FAM47E: variants seen among roughly 807,000 people sequenced by gnomAD.
FAM47E encodes the protein family with sequence similarity 47 member E.
In FAM47E, 32 loss-of-function variants were observed where a neutral mutation model predicts 41.6. That is an observed-to-expected ratio of 0.77 (90% CI 0.58 to 1.03). The LOEUF (loss-of-function observed/expected upper bound fraction) is 1.03, where lower values mean the gene tolerates loss of function less well. Ranked by LOEUF, FAM47E falls within the 50% of genes least tolerant of loss-of-function variation. The pLI is 0.00. For missense variants in FAM47E, 424 were observed against 485.4 expected (o/e 0.87, Z 1.19); for synonymous variants, 184 against 188.7 (o/e 0.98, Z 0.20).
At chr4:76,274,894 C>T (rs958122221) in intron 5 of FAM47E, among the ~76,000 whole-genome samples, 5 of 152,144 alleles carry the variant, frequency 3.3e-5, no homozygotes, top group Non-Finnish European at 7.3e-5. Context: ...CTGCCTTGAT[C>T]TGTCTGGACT....
chr4:76,278,038 A>G (rs781163626), intron 5 of FAM47E, 31 bp from the exon 6 acceptor site: 36 of 1,435,168 alleles, frequency 2.5e-5, no homozygotes, highest in Middle Eastern at 1.8e-4. Flanking sequence ...CAAAAAATCA[A>G]TGGCACTGGG....
chr4:76,229,804 T>C (rs1191011561), intron 2 of FAM47E, among the ~76,000 whole-genome samples: 1 of 152,196 alleles, frequency 6.6e-6, no homozygotes, highest in Non-Finnish European at 1.5e-5. Context: ...GCTGGCTTTC[T>C]TGGATGCTGG....
chr4:76,219,081 C>A (rs1441681809), intron 2 of FAM47E, among the ~76,000 whole-genome samples: 1 of 152,166 alleles, frequency 6.6e-6, no homozygotes, highest in African/African-American at 2.4e-5. Flanking sequence ...AGGCTCTTAA[C>A]CCCTTAGCCA....
At chr4:76,249,368 C>A (rs575776394), upstream of FAM47E, among the ~76,000 whole-genome samples, 1 of 152,138 alleles carries the variant, frequency 6.6e-6, no homozygotes, top group African/African-American at 2.4e-5. Flanking sequence ...TGATAATTTG[C>A]CAACATATTA....
At chr4:76,259,328 G>T (rs764444951) in intron 2 of FAM47E, among the ~76,000 whole-genome samples, 41 of 152,144 alleles carry the variant, frequency 2.7e-4, no homozygotes, top group Non-Finnish European at 4.9e-4. Flanking sequence ...ACTACTCTTG[G>T]TTAAAGATTT....
intron 1 of FAM47E, 47 bp downstream of exon 1, chr4:76,251,867 G>T: frequency 7.3e-7 from 1 of 1,366,594 alleles, no homozygotes; most frequent in Non-Finnish European, 9.4e-7. Context: ...CGCGGGCCGC[G>T]CGGGGGCGCC....
At chr4:76,237,040 C>T (rs145143663) in intron 2 of FAM47E, among the ~76,000 whole-genome samples, 12,895 of 151,394 alleles carry the variant, frequency 0.085, 755 homozygotes, top group East Asian at 0.28. Flanking sequence ...GGACTACAGG[C>T]GCCTGTCACC....
At chr4:76,278,641 A>G (rs1735226071) in intron 6 of FAM47E, 1 of 202,670 alleles carries the variant, frequency 4.9e-6, no homozygotes, top group African/African-American at 2.3e-5. Flanking sequence ...AAAATTCAAA[A>G]TTTCAACCAG....
chr4:76,233,637 T>C (rs530273898), intron 2 of FAM47E, among the ~76,000 whole-genome samples: 1 of 151,620 alleles, frequency 6.6e-6, no homozygotes, highest in African/African-American at 2.4e-5. Flanking sequence ...CACACACATA[T>C]AACAGCCAGG....
intron 5 of FAM47E, among the ~76,000 whole-genome samples, chr4:76,273,113 C>T (rs892867339): frequency 1.3e-5 from 2 of 152,086 alleles, no homozygotes; most frequent in African/African-American, 4.8e-5. Flanking sequence ...ATATATACTG[C>T]GTTTTTTGAT....
chr4:76,233,585 C>T (rs995383127), intron 2 of FAM47E, among the ~76,000 whole-genome samples: 8 of 11,606 alleles, frequency 6.9e-4, no homozygotes, highest in East Asian at 8.5e-3. Flanking sequence ...CACACACACA[C>T]GCACACACAC....
intron 2 of FAM47E, among the ~76,000 whole-genome samples, chr4:76,231,386 G>C (rs4859431): frequency 0.15 from 22,711 of 152,008 alleles, 2,000 homozygotes; most frequent in East Asian, 0.35. Flanking sequence ...GGAGACTGCC[G>C]GTTGGTTCAC....
chr4:76,228,047 T>G (rs1733428284), intron 2 of FAM47E, among the ~76,000 whole-genome samples: 1 of 152,090 alleles, frequency 6.6e-6, no homozygotes, highest in Non-Finnish European at 1.5e-5. Flanking sequence ...TATTGAGATG[T>G]AAGGTACTTT....
At chr4:76,233,784 C>A (rs372675394) in intron 2 of FAM47E, among the ~76,000 whole-genome samples, 6 of 152,084 alleles carry the variant, frequency 3.9e-5, no homozygotes, top group African/African-American at 1.5e-4. Flanking sequence ...CAGGCAGTGC[C>A]CCCAATATGT....
intron 2 of FAM47E, among the ~76,000 whole-genome samples, chr4:76,226,267 G>A (rs1277831666): frequency 6.6e-6 from 1 of 152,160 alleles, no homozygotes; most frequent in Non-Finnish European, 1.5e-5. Flanking sequence ...GGACATGGGG[G>A]TAAACAGGTG....
chr4:76,266,837 T>C (rs979616563), intron 3 of FAM47E, among the ~76,000 whole-genome samples: 2 of 152,218 alleles, frequency 1.3e-5, no homozygotes, highest in Non-Finnish European at 2.9e-5. Flanking sequence ...TTTGTGTTCT[T>C]TGGACATGCT....
At chr4:76,247,807 C>T (rs1330149880), upstream of FAM47E, among the ~76,000 whole-genome samples, 2 of 150,164 alleles carry the variant, frequency 1.3e-5, no homozygotes, top group African/African-American at 2.5e-5. Context: ...GTCTTTTTGT[C>T]GTTGAGTGGT....
chr4:76,259,538 A>G (rs1185239160), intron 2 of FAM47E, among the ~76,000 whole-genome samples: 2 of 152,230 alleles, frequency 1.3e-5, no homozygotes, highest in East Asian at 3.8e-4. Context: ...GACTGGAAAC[A>G]AATGAAGTAT....
intron 4 of FAM47E, among the ~76,000 whole-genome samples, chr4:76,269,959 T>C (rs2869872): frequency 0.75 from 114,262 of 152,020 alleles, 43,318 homozygotes; most frequent in Middle Eastern, 0.84. Flanking sequence ...GCATTCCATG[T>C]CCCCACCCCA....
Sources: allele counts gnomAD v4.1 joint callset (sites outside exome capture counted in the v4.1 genomes callset), GRCh38; gene constraint gnomAD v4.1.1; transcripts MANE v1.5; gene names NCBI Gene and HGNC (gene_info 2026-07-23, HGNC 2026-07-21).